Variants in RARB observed in about 807,000 individuals in gnomAD.
The protein encoded by RARB is retinoic acid receptor beta, also known as HBV-activated protein.
RARB carries 17 observed loss-of-function variants against 51.9 expected under a neutral mutation model. The ratio of observed to expected loss-of-function variants is 0.33; its 90% confidence interval spans 0.22 to 0.49. The LOEUF is 0.49. RARB is among the 20% of genes least tolerant of loss of function. RARB has a pLI of 0.99. For missense variants in RARB, 369 were observed against 550.8 expected, an observed-to-expected ratio of 0.67 and a Z score of 3.30; for synonymous variants, 215 against 195.4, an observed-to-expected ratio of 1.10 and a Z score of -0.84.
intron 5 of RARB, among the ~76,000 whole-genome samples, chr3:25,388,204 A>C (rs1706850694): frequency 2.0e-5 from 3 of 152,252 alleles, no homozygotes; most frequent in African/African-American, 7.2e-5. Context: ...TAATTATTAC[A>C]TACAGCATTG....
At chr3:25,351,501 G>A (rs922788117) in intron 5 of RARB, among the ~76,000 whole-genome samples, 1 of 151,972 alleles carries the variant, frequency 6.6e-6, no homozygotes, top group Non-Finnish European at 1.5e-5. Flanking sequence ...GTGGGACCTC[G>A]CCTTTGAATG....
At chr3:25,412,967 C>T (rs7618948) in intron 5 of RARB, among the ~76,000 whole-genome samples, 65,290 of 151,296 alleles carry the variant, frequency 0.43, 14,503 homozygotes, top group East Asian at 0.7. Context: ...TGTGGTGAGC[C>T]GAGATCTTGC....
chr3:25,131,449 G>A (rs1349146494), intron 3 of RARB, among the ~76,000 whole-genome samples: 1 of 151,950 alleles, frequency 6.6e-6, no homozygotes, highest in Admixed American at 6.6e-5. Flanking sequence ...GGGTTTTATA[G>A]TCGTATTGTT....
At position 25,174,456 on chromosome 3, in the gene RARB, A is replaced by G. The variant is rs781326807; in HGVS notation, c.59A>G (p.Tyr20Cys). 5.9e-6 allele frequency: 8 copies of G among 1,351,942 alleles called. No individual in the cohort carries two copies. The South Asian group carries it at 9.1e-5, about 15-fold the overall frequency. 83.7% of individuals were successfully genotyped at this position (1,351,942 alleles called of 1,614,324 possible). A position where few individuals can be genotyped will look rare whatever the true frequency, so the allele number is the denominator to read the frequency against. ...GCAGTGAACGGACACATGACTCACTATCCAGCCACACCCTACCCGTTACTC... is the reference window on the plus strand; with the variant it reads ...GCAGTGAACGGACACATGACTCACTGTCCAGCCACACCCTACCCGTTACTC... The change falls in exon 5 of 12, where the codon TAT becomes TGT. Residue 20 changes from tyrosine to cysteine, a missense_variant. Tyr to Cys is a radical substitution (Grantham distance 194). Coordinates refer to the RARB transcript ENST00000383772.
intron 2 of RARB, among the ~76,000 whole-genome samples, chr3:25,465,612 G>C (rs558964209): frequency 1.3e-4 from 20 of 152,244 alleles, no homozygotes; most frequent in African/African-American, 4.8e-4. Flanking sequence ...TTAACAAATG[G>C]GTGTGGTCCA....
rs543355029 is a variant in RARB, at chr3:25,048,897, C to T, written c.-379-11228C>T. 9.2e-5 allele frequency among the ~76,000 whole-genome samples: 14 copies of T among 151,770 alleles called. No homozygotes were observed. The South Asian group carries it at 1.0e-3, about 11-fold the overall frequency. On this transcript the variant is annotated intron_variant, in intron 2 of 11. Transcript: ENST00000383772. ...CAGCCTCCCCAGTAGCTGGGACTAG[C>T]GCCCGCCACTGTGCCCGGCTAACTT... is the stretch of plus-strand genomic sequence containing the variant.
intron 5 of RARB, among the ~76,000 whole-genome samples, chr3:25,378,390 A>G (rs528776465): frequency 4.7e-4 from 72 of 152,300 alleles, no homozygotes; most frequent in Non-Finnish European, 9.3e-4. Context: ...TCCCTGGTCT[A>G]GGAGGCCCTA....
chr3:25,133,260 T>G (rs1699980486), intron 4 of RARB, among the ~76,000 whole-genome samples: 1 of 151,982 alleles, frequency 6.6e-6, no homozygotes, highest in Non-Finnish European at 1.5e-5. Context: ...CAATTACTTT[T>G]CAATTCAGAA....
At chr3:25,314,073 C>T (rs1704355364) in intron 5 of RARB, among the ~76,000 whole-genome samples, 1 of 149,556 alleles carries the variant, frequency 6.7e-6, no homozygotes, top group Admixed American at 6.7e-5. Context: ...TCTGTCTCAA[C>T]AACAAAAAAA....
At chr3:25,582,796 T>C (rs1277804307) in intron 5 of RARB, among the ~76,000 whole-genome samples, 1 of 152,176 alleles carries the variant, frequency 6.6e-6, no homozygotes, top group Non-Finnish European at 1.5e-5. Context: ...AAACCAATTT[T>C]TGTGACCTTG....
At chr3:24,830,611 G>C (rs1702267096) in intron 1 of RARB, among the ~76,000 whole-genome samples, 1 of 150,264 alleles carries the variant, frequency 6.7e-6, no homozygotes, top group African/African-American at 2.5e-5. Context: ...GAGTGGAACA[G>C]ACAAAAGGGT....
At chr3:25,007,600 A>AAAAAAAACAAAACAAAAC (rs1342393781) in intron 2 of RARB, among the ~76,000 whole-genome samples, 3 of 143,260 alleles carry the variant, frequency 2.1e-5, no homozygotes, top group African/African-American at 8.2e-5. Context: ...CTCAAAAAAA[A>AAAAAAAACAAAACAAAAC]AAAACAAAAA....
At position 25,500,454 on chromosome 3, in the gene RARB, G is replaced by GTTTTTTTTTTTTTTTTTTTTTTTT. The variant is rs753321842; in HGVS notation, c.307-724_307-701dup. 8.5e-4 allele frequency among the ~76,000 whole-genome samples: 56 copies of GTTTTTTTTTTTTTTTTTTTTTTTT among 66,136 alleles called. 2 individuals carry two copies. Among genetic ancestry groups the GTTTTTTTTTTTTTTTTTTTTTTTT allele is most frequent in the Non-Finnish European group, 1.1e-3 (39 of 34,968 alleles). The allele number at this position is 66,136 out of a possible 152,430, so 43.4% of individuals were successfully genotyped here. A position where few individuals can be genotyped will look rare whatever the true frequency, so the allele number is the denominator to read the frequency against. On this transcript the variant is annotated intron_variant, in intron 2 of 7. Transcript: ENST00000330688. Reference sequence around the variant, plus strand: ...ATAATTTCTTTTTCTTTCTTTTCTTGTTTTTTTTTTTTTTTTTTTTTTTTT... The same window carrying GTTTTTTTTTTTTTTTTTTTTTTTT: ...ATAATTTCTTTTTCTTTCTTTTCTTGTTTTTTTTTTTTTTTTTTTTTTTTTTTTTTTTTTTTTTTTTTTTTTTTT...
chr3:24,914,746 TTTTCAAATA>T, intron 2 of RARB, among the ~76,000 whole-genome samples: 1 of 152,164 alleles, frequency 6.6e-6, no homozygotes, highest in East Asian at 1.9e-4. Flanking sequence ...CCATTCATAT[TTTTCAAATA>T]TTTTCAATCT....
intron 2 of RARB, among the ~76,000 whole-genome samples, chr3:25,015,778 G>T (rs1697495394): frequency 6.6e-6 from 1 of 152,156 alleles, no homozygotes; most frequent in South Asian, 2.1e-4. Flanking sequence ...ATGTGAATAT[G>T]AACTGCCAAG....
chr3:25,201,536 T>G (rs1042702235), intron 5 of RARB, among the ~76,000 whole-genome samples: 20 of 152,214 alleles, frequency 1.3e-4, no homozygotes, highest in African/African-American at 4.6e-4. Context: ...CTTCCAGTTT[T>G]TGTCCATTCA....
chr3:25,228,044 A>AT (rs1270632319), intron 5 of RARB, among the ~76,000 whole-genome samples: 2 of 151,956 alleles, frequency 1.3e-5, no homozygotes, highest in African/African-American at 4.8e-5. Context: ...TGATTTGACA[A>AT]TTTTTTGTCT....
intron 5 of RARB, among the ~76,000 whole-genome samples, chr3:25,202,099 C>T (rs1701407583): frequency 6.6e-6 from 1 of 152,094 alleles, no homozygotes. Context: ...TTAATTATTG[C>T]CTTAATTTCA....
intron 3 of RARB, among the ~76,000 whole-genome samples, chr3:25,535,063 G>C (rs186349140): frequency 1.2e-3 from 186 of 152,358 alleles, no homozygotes; most frequent in Non-Finnish European, 1.9e-3. Context: ...GGAGAAAGTA[G>C]TCAGGTTTGA....
Sources: allele counts gnomAD v4.1 joint callset (sites outside exome capture counted in the v4.1 genomes callset), GRCh38; gene constraint gnomAD v4.1.1; transcripts MANE v1.5; gene names NCBI Gene and HGNC (gene_info 2026-07-23, HGNC 2026-07-21).